Variants in EPCIP observed in about 807,000 individuals in gnomAD.
EPCIP encodes exosomal polycystin 1 interacting protein.
the EPCIP span, among the ~76,000 whole-genome samples, chr21:32,810,856 A>G: frequency 6.6e-6 from 1 of 152,182 alleles, no homozygotes; most frequent in African/African-American, 2.4e-5. Context: ...TTACTGTACC[A>G]GTAATTCACT....
chr21:32,810,744 T>C, the EPCIP span: 1 of 461,600 alleles, frequency 2.2e-6, no homozygotes, highest in Non-Finnish European at 4.5e-6. Context: ...TCCCACATTG[T>C]ATCTGATAGC....
At chr21:32,795,299 A>T in the EPCIP span, among the ~76,000 whole-genome samples, 9 of 152,346 alleles carry the variant, frequency 5.9e-5, 1 homozygote, top group East Asian at 1.7e-3. Flanking sequence ...AAAAAATCTA[A>T]ATAAGGTAGG....
At chr21:32,802,361 T>A in the EPCIP span, among the ~76,000 whole-genome samples, 1 of 152,350 alleles carries the variant, frequency 6.6e-6, no homozygotes, top group Admixed American at 6.5e-5. Context: ...TAGCTTGGCT[T>A]GCAAACCTCC....
the EPCIP span, among the ~76,000 whole-genome samples, chr21:32,809,638 C>T: frequency 6.6e-6 from 1 of 152,082 alleles, no homozygotes; most frequent in African/African-American, 2.4e-5. Context: ...GTGGGGATTA[C>T]AGGCATGAGC....
chr21:32,802,130 A>G, the EPCIP span, among the ~76,000 whole-genome samples: 1 of 152,192 alleles, frequency 6.6e-6, no homozygotes, highest in Non-Finnish European at 1.5e-5. Context: ...TTATGCTGGC[A>G]GTTACTTGGT....
the EPCIP span, among the ~76,000 whole-genome samples, chr21:32,809,298 T>C: frequency 1.5e-5 from 2 of 133,982 alleles, no homozygotes; most frequent in East Asian, 2.5e-4. Flanking sequence ...CTTTCTTTCT[T>C]TCTTTCTTTC....
At chr21:32,804,430 G>T in the EPCIP span, among the ~76,000 whole-genome samples, 2 of 151,752 alleles carry the variant, frequency 1.3e-5, no homozygotes, top group African/African-American at 4.8e-5. Context: ...ATAGGCATGA[G>T]CCACCACACC....
the EPCIP span, among the ~76,000 whole-genome samples, chr21:32,792,832 C>T: frequency 6.6e-6 from 1 of 152,164 alleles, no homozygotes; most frequent in East Asian, 1.9e-4. Context: ...CAGTCTCCAA[C>T]CTCTTATTTC....
At chr21:32,796,638 C>T in the EPCIP span, among the ~76,000 whole-genome samples, 4 of 152,150 alleles carry the variant, frequency 2.6e-5, no homozygotes, top group Admixed American at 6.5e-5. Context: ...GGAGAACAAG[C>T]GTTCTCCCTG....
At chr21:32,799,196 C>A in the EPCIP span, among the ~76,000 whole-genome samples, 1 of 152,040 alleles carries the variant, frequency 6.6e-6, no homozygotes, top group African/African-American at 2.4e-5. Context: ...AGGTGGGTGC[C>A]CACAAGACCC....
At chr21:32,810,232 G>C in the EPCIP span, among the ~76,000 whole-genome samples, 30 of 141,486 alleles carry the variant, frequency 2.1e-4, no homozygotes, top group African/African-American at 7.8e-4. Context: ...TCAGTCTTTT[G>C]GCTGGCATTT....
the EPCIP span, among the ~76,000 whole-genome samples, chr21:32,812,605 A>T: frequency 5.9e-5 from 9 of 152,060 alleles, no homozygotes; most frequent in African/African-American, 1.9e-4. Flanking sequence ...TTCCTTCCAA[A>T]CATATTGCAT....
At chr21:32,800,590 G>T in the EPCIP span, among the ~76,000 whole-genome samples, 1 of 152,196 alleles carries the variant, frequency 6.6e-6, no homozygotes, top group East Asian at 1.9e-4. Flanking sequence ...GGCCAAGGCA[G>T]GTAGATCACG....
At chr21:32,809,182 C>CGTGTGTGTGTGTGTGTGT in the EPCIP span, among the ~76,000 whole-genome samples, 4 of 121,146 alleles carry the variant, frequency 3.3e-5, no homozygotes, top group African/African-American at 6.2e-5. Context: ...TCGAGGGGTG[C>CGTGTGTGTGTGTGTGTGT]GTGTGTGTGT....
At chr21:32,810,702 T>C in the EPCIP span, 1 of 470,900 alleles carries the variant, frequency 2.1e-6, no homozygotes, top group South Asian at 1.5e-5. Flanking sequence ...CTGAGATACG[T>C]CTCTAGCTCC....
the EPCIP span, among the ~76,000 whole-genome samples, chr21:32,794,772 G>A: frequency 6.6e-6 from 1 of 152,188 alleles, no homozygotes; most frequent in African/African-American, 2.4e-5. Flanking sequence ...CAGCCAGAGC[G>A]ATGCCAGAGC....
chr21:32,794,032 C>T, the EPCIP span: 1,220,289 of 1,613,968 alleles, frequency 0.76, 463,967 homozygotes, highest in East Asian at 0.9. Flanking sequence ...GATGCTTGGC[C>T]TCCATGTTGA....
chr21:32,795,973 TTTCC>T, the EPCIP span, among the ~76,000 whole-genome samples: 1 of 58,612 alleles, frequency 1.7e-5, no homozygotes, highest in Non-Finnish European at 4.1e-5. Flanking sequence ...TCCTTCCTTC[TTTCC>T]TTCCTTCCCT....
At chr21:32,808,263 A>G in the EPCIP span, among the ~76,000 whole-genome samples, 1 of 152,054 alleles carries the variant, frequency 6.6e-6, no homozygotes, top group East Asian at 1.9e-4. Flanking sequence ...AAGGAAAATG[A>G]GTCAGACACT....
Sources: allele counts gnomAD v4.1 joint callset (sites outside exome capture counted in the v4.1 genomes callset), GRCh38; gene constraint gnomAD v4.1.1; transcripts MANE v1.5; gene names NCBI Gene and HGNC (gene_info 2026-07-23, HGNC 2026-07-21).